Variants in UNKL observed in about 807,000 individuals in gnomAD.
UNKL encodes unk like zinc finger.
A neutral mutation model predicts 78.0 loss-of-function variants in UNKL; 60 were observed. The ratio of observed to expected loss-of-function variants is 0.77; its 90% CI spans 0.63 to 0.95. UNKL has a LOEUF of 0.95. UNKL is among the 40% of genes least tolerant of loss of function. The pLI is 0.00. For missense variants in UNKL, 1,159 were observed against 1,045.7 expected (o/e 1.11, Z -1.49); for synonymous variants, 608 against 474.8 (o/e 1.28, Z -3.65).
Position 1,385,782 on chromosome 16 carries a change from C to T in UNKL, c.1087-397G>A, listed in dbSNP as rs569151831. Among the ~76,000 whole-genome samples, 13 of 152,358 alleles carry T rather than the reference C, an allele frequency of 8.5e-5. No homozygotes were observed. The South Asian group carries it at 1.7e-3, about 19-fold the overall frequency. Reference sequence around the variant, plus strand: ...TCTCCCCACACCTCCTGGGTGCCCCCGCCCCGGCTCTCGCCCAGGACTGGC... The same window carrying T: ...TCTCCCCACACCTCCTGGGTGCCCCTGCCCCGGCTCTCGCCCAGGACTGGC... On this transcript the variant is annotated intron_variant, in intron 9 of 14. Transcript: ENST00000389221.
chr16:1,398,680 C>CAA, intron 5 of UNKL: 2 of 1,234,644 alleles, frequency 1.6e-6, no homozygotes, highest in Admixed American at 4.2e-5. Context: ...GTGGGGTCTG[C>CAA]ACCCCCCCAC....
intron 10 of UNKL, among the ~76,000 whole-genome samples, chr16:1,376,803 A>G (rs2036261558): frequency 6.6e-6 from 1 of 152,136 alleles, no homozygotes; most frequent in Admixed American, 6.5e-5. Flanking sequence ...CAGGCCCAGT[A>G]AGAGATTAAC....
chr16:1,402,978 C>T (rs558405603), intron 3 of UNKL, among the ~76,000 whole-genome samples, 190 bp downstream of exon 3: 6 of 152,170 alleles, frequency 3.9e-5, no homozygotes, highest in South Asian at 2.1e-4. Flanking sequence ...GGTGACAGAA[C>T]GAGAATCCGT....
chr16:1,393,265 T>C lies in UNKL; in HGVS notation c.938-289A>G, dbSNP rs112996511. Among the ~76,000 whole-genome samples, 267 of 152,352 alleles carry C rather than the reference T, an allele frequency of 1.8e-3. 3 individuals are homozygous for C. The highest frequency in any genetic ancestry group is 5.6e-3 in the African/African-American group (232 of 41,570). On this transcript the variant is annotated intron_variant, in intron 7 of 14. Transcript: ENST00000389221. ...AAAAACAAAGGAAAATTTGAGCTTG[T>C]GACCACACACACAAAACCTGGAACC...
intron 2 of UNKL, among the ~76,000 whole-genome samples, chr16:1,406,862 G>A (rs192608844): frequency 3.1e-4 from 47 of 152,176 alleles, no homozygotes; most frequent in African/African-American, 1.1e-3. Flanking sequence ...TCCTGGCCGG[G>A]CACAGTGGCT....
At position 1,399,844 on chromosome 16, in the gene UNKL, C is replaced by T. The variant is rs1334520381; in HGVS notation, c.599-335G>A. Among the ~76,000 whole-genome samples, 2 of 152,084 alleles carry T rather than the reference C, an allele frequency of 1.3e-5. No homozygotes were observed. Among genetic ancestry groups the T allele is most frequent in the Non-Finnish European group, 2.9e-5 (2 of 68,016 alleles). ...CCTTGCTGGGGGATGAAAATGTTCT[C>T]CAACTAGAGAGAGGTGATGTGTGCA... On this transcript the variant is annotated intron_variant, in intron 4 of 14. Transcript: ENST00000389221. This position sits in a 1 kb window ranked among gnomAD's most constrained non-coding sequence, Gnocchi z 5.8.
intron 10 of UNKL, among the ~76,000 whole-genome samples, chr16:1,376,206 C>A (rs568927459): frequency 6.9e-4 from 99 of 144,334 alleles, no homozygotes; most frequent in African/African-American, 2.5e-3. Flanking sequence ...CTCCCTCACT[C>A]CAAGGCTGGG....
intron 13 of UNKL, 109 bp from the exon 14 acceptor site, chr16:1,367,458 G>A: frequency 7.2e-7 from 1 of 1,390,268 alleles, no homozygotes; most frequent in South Asian, 1.4e-5. Flanking sequence ...CATCAGCTGT[G>A]GCCCCCTCAC....
chr16:1,367,138 T>C lies in UNKL; in HGVS notation c.2000A>G (p.His667Arg). 6.3e-7 allele frequency: 1 copy of C among 1,597,760 alleles called. No individual in the cohort carries two copies. Among genetic ancestry groups the C allele is most frequent in the Admixed American group, 1.7e-5 (1 of 58,620 alleles). ...CAGGCGCAGCTGACTCTGCAGCGAG[T>C]GCAGCTTCGGCAGGGGAATGGTGCC... ...DIGTIPLPKL[H>R]SLQSQLRLDL... The change falls in exon 14 of 15, where the codon CAC (histidine) becomes CGC (arginine). Residue 667 changes from histidine (H) to arginine (R), a missense_variant. Coordinates refer to ENST00000389221, the MANE Select transcript of UNKL (RefSeq NM_001372107.1).
rs910925279 is a variant in UNKL at position 1,390,561 on chromosome 16, G to A, written c.1086+71C>T. On this transcript the variant is annotated intron_variant, in intron 9 of 14. Transcript: ENST00000389221. The stretch of plus-strand genomic sequence containing the variant: ...GCCCTAACGCGATGCCACGGGTCAG[G>A]CACGAGGGCGGGAAGCCTCAGCCCT... The A allele has an allele frequency of 4.0e-6, 6 of 1,491,666 alleles. No homozygotes were observed. The Admixed American group carries it at 8.0e-5, about 20-fold the overall frequency. 92.4% of individuals were successfully genotyped at this position (1,491,666 alleles called of 1,614,324 possible). A position where few individuals can be genotyped will look rare whatever the true frequency, so the allele number is the denominator to read the frequency against.
chr16:1,370,474 G>T, intron 11 of UNKL, 117 bp from the exon 12 acceptor site: 4 of 1,438,464 alleles, frequency 2.8e-6, no homozygotes, highest in Non-Finnish European at 3.7e-6. Context: ...GGGATATGGG[G>T]GGTGGGAATA....
In UNKL at chr16:1,363,394, T is replaced by TAAATACTCAAACATAC; in HGVS notation, c.*2830_*2845dup. 2.5e-6 allele frequency: 1 copy of TAAATACTCAAACATAC among 400,724 alleles called. No homozygotes were observed. The highest frequency in any genetic ancestry group is 4.7e-6 in the Non-Finnish European group (1 of 211,968). The allele number at this position is 400,724 out of a possible 1,614,324, so 24.8% of individuals were successfully genotyped here. On this transcript the variant is annotated 3_prime_UTR_variant, in exon 15 of 15. Coordinates refer to ENST00000389221, the MANE Select transcript of UNKL (RefSeq NM_001372107.1). ...ATTCCATTCAAATAACATTCTCATG[T>TAAATACTCAAACATAC]AAATACTCAAACATACAGATTGAGG...
intron 10 of UNKL, among the ~76,000 whole-genome samples, chr16:1,374,865 G>A (rs2036095532): frequency 6.6e-6 from 1 of 152,228 alleles, no homozygotes; most frequent in Non-Finnish European, 1.5e-5. Flanking sequence ...GACAGCTGGG[G>A]CCTTTCCAGA....
At chr16:1,393,723 G>T (rs1250491605) in intron 7 of UNKL, among the ~76,000 whole-genome samples, 2 of 152,216 alleles carry the variant, frequency 1.3e-5, no homozygotes, top group Non-Finnish European at 2.9e-5. Context: ...GGGAGGTGGT[G>T]CTCCTGGGTG....
chr16:1,398,646 A>C, intron 5 of UNKL: 4 of 1,434,724 alleles, frequency 2.8e-6, no homozygotes, highest in Non-Finnish European at 1.8e-6. Flanking sequence ...GGCCAAGGCC[A>C]TGGCCCAGGC....
intron 10 of UNKL, among the ~76,000 whole-genome samples, chr16:1,375,807 C>G (rs950290265): frequency 6.6e-6 from 1 of 152,204 alleles, no homozygotes; most frequent in African/African-American, 2.4e-5. Flanking sequence ...TCACTCCTCT[C>G]CTTCCCATTC....
chr16:1,379,751 G>C (rs2036522155), intron 10 of UNKL: 1 of 879,000 alleles, frequency 1.1e-6, no homozygotes, highest in African/African-American at 2.5e-5. Context: ...CGCCCCCGTC[G>C]CACTGGCCAC....
rs761642714 is a variant in UNKL at position 1,366,333 on chromosome 16, G to A, written c.2109C>T (p.Val703=). The change falls in exon 15 of 15, where the codon GTC becomes GTT. Residue 703 remains valine (V), a synonymous_variant. Transcript: ENST00000389221. ...VACRERAHGA[V]LRPCQHHILC... Reference sequence around the variant, plus strand: ...GGATGTGGTGCTGACAGGGCCGCAGGACAGCACCGTGGGCCCGCTCCCGGC... The same window carrying A: ...GGATGTGGTGCTGACAGGGCCGCAGAACAGCACCGTGGGCCCGCTCCCGGC... The A allele has an allele frequency of 1.0e-5, 16 of 1,604,304 alleles. No homozygotes were observed. Among genetic ancestry groups the A allele is most frequent in the Non-Finnish European group, 9.3e-6 (11 of 1,176,542 alleles).
In UNKL at chr16:1,370,385, G is replaced by A. The variant is rs764270782; in HGVS notation, c.1358-28C>T. 27 of 1,530,154 alleles carry A rather than the reference G, an allele frequency of 1.8e-5. 1 individual carries two copies. The highest frequency in any genetic ancestry group is 4.1e-5 in the African/African-American group (3 of 72,766). 94.8% of individuals were successfully genotyped at this position (1,530,154 alleles called of 1,614,324 possible). On this transcript the variant is annotated intron_variant, in intron 11 of 14. Coordinates refer to ENST00000389221, the MANE Select transcript of UNKL (RefSeq NM_001372107.1). The stretch of plus-strand genomic sequence containing the variant: ...GGCGGGGGCGGACCAGTCAGCGAAG[G>A]GAGTACCGCCAGGCCTCTGCCCAAA...
Sources: gnomAD v4.1 joint callset for allele counts (sites outside exome capture counted in the v4.1 genomes callset) on GRCh38, gnomAD v4.1.1 for gene constraint, Gnocchi (gnomAD v3.1) non-coding constraint, MANE v1.5 for transcripts, NCBI Gene and HGNC (gene_info 2026-07-23, HGNC 2026-07-21) for gene names.